The following SPAG17 variants were observed in gnomAD, a reference collection of about 807,000 sequenced individuals.
SPAG17 encodes sperm-associated antigen 17.
Under a neutral mutation model 273.6 loss-of-function variants are expected in SPAG17, and 169 were observed. That is an observed-to-expected ratio of 0.62 (90% confidence interval 0.55 to 0.70). The LOEUF (loss-of-function observed/expected upper bound fraction) is 0.70. Ranked by LOEUF, SPAG17 falls within the 30% of genes least tolerant of loss-of-function variation. SPAG17 has a pLI of 0.00. For missense variants in SPAG17, 2,557 were observed against 2,627.8 expected, an observed-to-expected ratio of 0.97 and a Z score of 0.59; for synonymous variants, 825 against 873.2, an observed-to-expected ratio of 0.94 and a Z score of 0.97.
intron 28 of SPAG17, among the ~76,000 whole-genome samples, chr1:118,017,240 A>G (rs1364789250): frequency 6.6e-6 from 1 of 152,196 alleles, no homozygotes; most frequent in Non-Finnish European, 1.5e-5. Flanking sequence ...GAAGTACTTT[A>G]GGAATTATCT....
chr1:118,089,103 C>T (rs1655199924), intron 10 of SPAG17, among the ~76,000 whole-genome samples: 1 of 151,974 alleles, frequency 6.6e-6, no homozygotes. Flanking sequence ...AAAAGAAAAG[C>T]TGTTGATAAG....
intron 4 of SPAG17, among the ~76,000 whole-genome samples, chr1:118,102,896 G>C (rs904974057): frequency 6.6e-6 from 1 of 152,172 alleles, no homozygotes; most frequent in African/African-American, 2.4e-5. Flanking sequence ...TGGATGTTAA[G>C]GGCTCTTAGC....
intron 1 of SPAG17, among the ~76,000 whole-genome samples, chr1:118,177,007 T>C (rs184223279): frequency 3.8e-4 from 58 of 151,866 alleles, no homozygotes; most frequent in African/African-American, 1.4e-3. Context: ...CAAATGAAAA[T>C]GGAAAAACAA....
At chr1:118,113,399 A>T (rs991032524) in intron 4 of SPAG17, among the ~76,000 whole-genome samples, 15 of 152,062 alleles carry the variant, frequency 9.9e-5, no homozygotes, top group Admixed American at 2.0e-4. Flanking sequence ...ATTAACCTTG[A>T]TTGTTTCAAC....
At chr1:118,122,225 C>T (rs1050265710) in intron 3 of SPAG17, among the ~76,000 whole-genome samples, 2 of 151,672 alleles carry the variant, frequency 1.3e-5, no homozygotes, top group Non-Finnish European at 2.9e-5. Flanking sequence ...TAGATGGGCC[C>T]GATTCTGCAC....
At chr1:118,137,737 A>G (rs1658443102) in intron 3 of SPAG17, among the ~76,000 whole-genome samples, 1 of 152,232 alleles carries the variant, frequency 6.6e-6, no homozygotes, top group South Asian at 2.1e-4. Flanking sequence ...ATGTATAAAT[A>G]TATCTGAAAT....
At chr1:118,030,904 G>A (rs565728541) in intron 25 of SPAG17, among the ~76,000 whole-genome samples, 2 of 152,178 alleles carry the variant, frequency 1.3e-5, no homozygotes, top group Non-Finnish European at 2.9e-5. Flanking sequence ...ATAAACATAC[G>A]TGTGCATGTG....
intron 18 of SPAG17, among the ~76,000 whole-genome samples, chr1:118,063,615 C>A (rs984525311): frequency 6.6e-6 from 1 of 152,102 alleles, no homozygotes; most frequent in Non-Finnish European, 1.5e-5. Flanking sequence ...AATGTTAGAC[C>A]TAAAACCATA....
chr1:118,184,302 G>C lies in SPAG17; in HGVS notation c.87+769C>G, dbSNP rs189661354. On this transcript the variant is annotated intron_variant, in intron 1 of 48. Coordinates refer to ENST00000336338, the MANE Select transcript of SPAG17 (RefSeq NM_206996.4). ...CTTTTCTCTTCCCAAATGCTAACTTGTACGTAGAAACAGCTTAATGTAGAA... is the reference window on the plus strand; with the variant it reads ...CTTTTCTCTTCCCAAATGCTAACTTCTACGTAGAAACAGCTTAATGTAGAA... Among the ~76,000 whole-genome samples, 4 of 152,244 alleles carry C rather than the reference G, an allele frequency of 2.6e-5. No individual in the cohort carries two copies. The East Asian group carries it at 7.7e-4, about 29-fold the overall frequency.
At chr1:118,130,460 T>C (rs372732027) in intron 3 of SPAG17, among the ~76,000 whole-genome samples, 56 of 152,342 alleles carry the variant, frequency 3.7e-4, no homozygotes, top group African/African-American at 1.3e-3. Flanking sequence ...TGACCAACTC[T>C]GGGGTTTTCC....
intron 6 of SPAG17, among the ~76,000 whole-genome samples, chr1:118,098,669 C>T (rs902542050): frequency 4.6e-5 from 7 of 152,060 alleles, no homozygotes; most frequent in Non-Finnish European, 8.8e-5. Context: ...TGCCTCTAGA[C>T]TGAGAGTCCA....
At position 117,953,971 on chromosome 1, in the gene SPAG17, G is replaced by A. The variant is rs566724626; in HGVS notation, c.*79C>T. ...TCAGTGTCCTGGGATGATGGAGTAT[G>A]TTGTGATGACTTCTTTCCTTTCTCA... On this transcript the variant is annotated 3_prime_UTR_variant, in exon 49 of 49. Coordinates refer to ENST00000336338, the MANE Select transcript of SPAG17 (RefSeq NM_206996.4). The A allele has an allele frequency of 6.0e-5, 93 of 1,560,732 alleles. No homozygotes were observed. In the South Asian group the frequency reaches 1.0e-3, roughly 17 times the overall value.
intron 1 of SPAG17, among the ~76,000 whole-genome samples, chr1:118,166,428 G>C (rs925219699): frequency 1.3e-5 from 2 of 152,200 alleles, no homozygotes; most frequent in African/African-American, 4.8e-5. Flanking sequence ...TCTCTGGACA[G>C]AGAAATGTTA....
At chr1:118,114,135 T>A (rs1480418843) in intron 4 of SPAG17, among the ~76,000 whole-genome samples, 1 of 152,158 alleles carries the variant, frequency 6.6e-6, no homozygotes, top group Admixed American at 6.6e-5. Flanking sequence ...CTATACTAGT[T>A]TCAAATTTTC....
At chr1:118,160,459 G>C (rs1367376730) in intron 1 of SPAG17, among the ~76,000 whole-genome samples, 1 of 152,138 alleles carries the variant, frequency 6.6e-6, no homozygotes, top group Admixed American at 6.5e-5. Context: ...CAAAATAACC[G>C]ACCAATACTC....
At chr1:118,148,503 C>A (rs1324759126) in intron 3 of SPAG17, among the ~76,000 whole-genome samples, 2 of 133,962 alleles carry the variant, frequency 1.5e-5, no homozygotes. Flanking sequence ...GTCCATTTTA[C>A]AGACTGCTGA....
intron 29 of SPAG17, among the ~76,000 whole-genome samples, chr1:118,015,403 T>C (rs891340715): frequency 2.6e-5 from 4 of 152,154 alleles, no homozygotes; most frequent in Admixed American, 1.3e-4. Flanking sequence ...ATGCTACAAA[T>C]AAAGTTTTTG....
chr1:118,048,492 C>G (rs1650614389), intron 20 of SPAG17, among the ~76,000 whole-genome samples: 2 of 151,810 alleles, frequency 1.3e-5, no homozygotes, highest in Admixed American at 6.6e-5. Context: ...GTTTGTTTCT[C>G]AAAAAGATAA....
chr1:118,008,325 G>T, intron 30 of SPAG17, 127 bp from the exon 31 acceptor site: 1 of 1,062,238 alleles, frequency 9.4e-7, no homozygotes. Context: ...CAATTGTAAA[G>T]TCTAGAGCAA....
Sources: allele counts gnomAD v4.1 joint callset (sites outside exome capture counted in the v4.1 genomes callset), GRCh38; gene constraint gnomAD v4.1.1; transcripts MANE v1.5; gene names NCBI Gene and HGNC (gene_info 2026-07-23, HGNC 2026-07-21).